ADCY4: variants seen among roughly 807,000 people sequenced by gnomAD.
The protein encoded by ADCY4 is adenylate cyclase 4, also known as adenylate cyclase type 4.
A neutral mutation model predicts 125.5 loss-of-function variants in ADCY4; 111 were observed. That is an observed-to-expected ratio of 0.88 (90% CI 0.76 to 1.04). ADCY4 has a LOEUF of 1.04. Among genes scored for constraint, ADCY4 ranks in the 50% least tolerant of loss-of-function variants. The probability of loss-of-function intolerance (pLI) is 0.00; values close to 1 mark genes in which losing one functional copy is unlikely to be tolerated. For missense variants in ADCY4, 1,256 were observed against 1,382.9 expected (o/e 0.91, Z 1.46); for synonymous variants, 576 against 586.9 (o/e 0.98, Z 0.27).
In ADCY4 at chr14:24,319,907, G is replaced by A. The variant is rs1317818786; in HGVS notation, c.2587-19C>T. The A allele has an allele frequency of 1.4e-5, 23 of 1,611,314 alleles. No homozygotes were observed. Among genetic ancestry groups the A allele is most frequent in the Non-Finnish European group, 1.9e-5 (23 of 1,179,630 alleles). ...AGAGATCCTGGGGGAACAGGAGACT[G>A]GAGTGAGGGGTGTGTGTCATGTTCC... On this transcript the variant is annotated intron_variant, in intron 20 of 24. Transcript: ENST00000418030. This position sits in a 1 kb window ranked among gnomAD's most constrained non-coding sequence, Gnocchi z 4.5.
At chr14:24,330,910 G>A (rs903978040) in intron 6 of ADCY4, 108 bp downstream of exon 6, 1 of 931,800 alleles carries the variant, frequency 1.1e-6, no homozygotes, top group Non-Finnish European at 1.6e-6. Context: ...GGGCCTGCAT[G>A]CACTGAAGTG....
intron 10 of ADCY4, 71 bp from the exon 11 acceptor site, chr14:24,326,413 C>T: frequency 6.4e-7 from 1 of 1,555,790 alleles, no homozygotes; most frequent in Non-Finnish European, 8.9e-7. Context: ...CCATGAGCCA[C>T]ACTGCATGCT....
Position 24,334,752 on chromosome 14 carries a change from A to G in ADCY4, c.-100T>C, listed in dbSNP as rs997218055. On this transcript the variant is annotated 5_prime_UTR_variant, in exon 1 of 25. Transcript: ENST00000418030. ...ACCTGAGCTTTTCTCACCCGCTCAAAGCCGCTACCACCCCGCGCCCCCAAC... is the reference window on the plus strand; with the variant it reads ...ACCTGAGCTTTTCTCACCCGCTCAAGGCCGCTACCACCCCGCGCCCCCAAC... 64 of 948,504 alleles carry G rather than the reference A, an allele frequency of 6.7e-5. No homozygotes were observed. Among genetic ancestry groups the G allele is most frequent in the Middle Eastern group, 6.8e-4 (2 of 2,954 alleles). The allele number at this position is 948,504 out of a possible 1,614,324, so 58.8% of individuals were successfully genotyped here.
chr14:24,324,379 C>T lies in ADCY4; in HGVS notation c.1836G>A (p.Leu612=), dbSNP rs536503239. Reference sequence around the variant, plus strand: ...GGAAGGTGATGCTATACGTGATGGCCAGAGCTGGGGGCCTGAAGGGAGACA... The same window carrying T: ...GGAAGGTGATGCTATACGTGATGGCTAGAGCTGGGGGCCTGAAGGGAGACA... ...QMLVTNRPPA[L]AITYSITFLL... is the part of the protein sequence containing the mutation. Residue 612 remains leucine, a synonymous_variant, in exon 15 of 25, where the codon CTG becomes CTA. Transcript: ENST00000418030. 2 of 1,614,084 alleles carry T rather than the reference C, an allele frequency of 1.2e-6. No individual in the cohort carries two copies. The highest frequency in any genetic ancestry group is 4.5e-5 in the East Asian group (2 of 44,890).
chr14:24,329,365 G>A (rs773219189), intron 9 of ADCY4, 36 bp downstream of exon 9: 2 of 1,546,668 alleles, frequency 1.3e-6, no homozygotes, highest in Admixed American at 3.9e-5. Context: ...GGTGGTTTGT[G>A]TAGGCCAGCC....
rs757720725 is a variant in ADCY4, at chr14:24,332,842, C to A, written c.306G>T (p.Ala102=). Residue 102 remains alanine, a synonymous_variant, in exon 2 of 25, where the codon GCG becomes GCT. Coordinates refer to ENST00000418030, the MANE Select transcript of ADCY4 (RefSeq NM_001198568.2). The part of the protein sequence containing the change: ...LSGLVWVALL[A]LGHAFLFTGG... ...CGGTGAACAGGAAGGCGTGGCCTAG[C>A]GCTAGCAGCGCGACCCATACCAAGC... 2.5e-6 allele frequency: 4 copies of A among 1,592,046 alleles called. No homozygotes were observed. The Admixed American group carries it at 6.9e-5, about 28-fold the overall frequency.
rs200322153 is a variant in ADCY4, at chr14:24,329,467, G to T, written c.1284C>A (p.Gly428=). The T allele has an allele frequency of 1.8e-5, 28 of 1,582,622 alleles. No homozygotes were observed. In the African/African-American group the frequency reaches 3.7e-4, roughly 21 times the overall value. ...GAAGGTAGGGGTCCCGATGCTCCAT[G>T]CCTGCGTCCTCCACAGCATAAGCCC... ...LAGAYAVEDA[G]MEHRDPYLRE... Residue 428 remains glycine (G), a synonymous_variant, in exon 9 of 25, where the codon GGC becomes GGA. Transcript: ENST00000418030.
At position 24,319,616 on chromosome 14, in the gene ADCY4, G is replaced by A; in HGVS notation, c.2733+126C>T. On this transcript the variant is annotated intron_variant, in intron 21 of 24. Transcript: ENST00000418030. The surrounding 1 kb of genome is among the most constrained non-coding windows in gnomAD (Gnocchi z 4.5). ...GAGTGGGTAGATCTGGGGGATCAGA[G>A]GAGGTGAGGGAGTACTGTGGAGGGG... The A allele has an allele frequency of 7.6e-7, 1 of 1,311,856 alleles. No homozygotes were observed. Among genetic ancestry groups the A allele is most frequent in the Admixed American group, 1.9e-5 (1 of 51,722 alleles). 81.3% of individuals were successfully genotyped at this position (1,311,856 alleles called of 1,614,324 possible).
At chr14:24,322,580 C>A (rs2041869285) in intron 19 of ADCY4, 44 bp downstream of exon 19, 1 of 1,589,554 alleles carries the variant, frequency 6.3e-7, no homozygotes, top group Non-Finnish European at 8.6e-7. Context: ...GATATGGGGG[C>A]CACTCATAGG....
intron 3 of ADCY4, 88 bp downstream of exon 3, chr14:24,332,434 G>A: frequency 7.0e-7 from 1 of 1,428,294 alleles, no homozygotes; most frequent in Non-Finnish European, 9.4e-7. Context: ...CCTTGACTTG[G>A]AGTCACAGCT....
At chr14:24,327,608 C>G (rs1014493438) in intron 10 of ADCY4, among the ~76,000 whole-genome samples, 7 of 152,228 alleles carry the variant, frequency 4.6e-5, no homozygotes, top group Admixed American at 2.6e-4. Context: ...CCTTCCCCCA[C>G]TCCCCAGTGT....
rs1214916426 is a variant in ADCY4, at chr14:24,326,290, C to A, written c.1568+9G>T. 2 of 1,613,936 alleles carry A rather than the reference C, an allele frequency of 1.2e-6. No individual in the cohort carries two copies. The highest frequency in any genetic ancestry group is 2.2e-5 in the East Asian group (1 of 44,868). ...AGCCCCACTGGCAAAGACTTTGAGG[C>A]CTCCTCACCGATCCAGGCTCCACTG... On this transcript the variant is annotated intron_variant, in intron 11 of 24. Transcript: ENST00000418030.
In ADCY4 at chr14:24,329,415, C is replaced by T; in HGVS notation, c.1336G>A (p.Val446Ile). 1.3e-6 allele frequency: 2 copies of T among 1,557,506 alleles called. No homozygotes were observed. Among genetic ancestry groups the T allele is most frequent in the Non-Finnish European group, 1.7e-6 (2 of 1,156,566 alleles). The part of the protein sequence containing the change: ...LRELGEPTYL[V>I]IDPRAEEEDE... ...TGGGCTTTTACCCGTGGATCGATGA[C>T]CAGATAGGTAGGCTCCCCTAGCTCC... The change falls in exon 9 of 25, where the codon GTC becomes ATC. Residue 446 changes from valine (V) to isoleucine (I), a missense_variant. By Grantham distance (29) the Val-to-Ile change is conservative. Coordinates refer to ENST00000418030, the MANE Select transcript of ADCY4 (RefSeq NM_001198568.2).
Position 24,318,412 on chromosome 14 carries a change from A to C in ADCY4, c.*4T>G, listed in dbSNP as rs1318449411. ...ATTGAGGTTCTTAGAAGGCGAGTGC[A>C]ATCTCAGCCTAGGGTAGCTGAAGGA... On this transcript the variant is annotated 3_prime_UTR_variant, in exon 25 of 25. Transcript: ENST00000418030. 1 of 1,613,758 alleles carries C rather than the reference A, an allele frequency of 6.2e-7. No homozygotes were observed.
intron 8 of ADCY4, 99 bp downstream of exon 8, chr14:24,329,761 C>T (rs1264553522): frequency 6.6e-7 from 1 of 1,521,244 alleles, no homozygotes; most frequent in Non-Finnish European, 8.9e-7. Context: ...TCTTAAGGTA[C>T]TCATCTTGTG....
At chr14:24,327,919 T>C (rs1207862668) in intron 10 of ADCY4, among the ~76,000 whole-genome samples, 2 of 152,224 alleles carry the variant, frequency 1.3e-5, no homozygotes, top group African/African-American at 4.8e-5. Flanking sequence ...TGATTATATA[T>C]GAGTATCATT....
rs368684170 is a variant in ADCY4 at position 24,325,486 on chromosome 14, A to G, written c.1726-12T>C. The stretch of plus-strand genomic sequence containing the variant: ...GCAGAGAGTCGGTACTGAAAGTGAG[A>G]GGGCCAGAGGTGGAGACAGGGTCCA... On this transcript the variant is annotated splice_polypyrimidine_tract_variant and intron_variant, in intron 13 of 24. Transcript: ENST00000418030. 6.2e-7 allele frequency: 1 copy of G among 1,607,346 alleles called. No individual in the cohort carries two copies. The highest frequency in any genetic ancestry group is 8.5e-7 in the Non-Finnish European group (1 of 1,174,306).
At chr14:24,328,285 C>T (rs551259439) in intron 10 of ADCY4, among the ~76,000 whole-genome samples, 1 of 151,904 alleles carries the variant, frequency 6.6e-6, no homozygotes, top group Non-Finnish European at 1.5e-5. Context: ...TCTGCTCCTC[C>T]ACCTCTTGTG....
At position 24,318,720 on chromosome 14, in the gene ADCY4, G is replaced by A. The variant is rs753753839; in HGVS notation, c.3015C>T (p.Asp1005=). Residue 1005 remains aspartate, a synonymous_variant, in exon 24 of 25, where the codon GAC becomes GAT. Coordinates refer to ENST00000418030, the MANE Select transcript of ADCY4 (RefSeq NM_001198568.2). The stretch of plus-strand genomic sequence containing the variant: ...CCACGTTCACTGTGTTGCCCCAAAT[G>A]TCATATTGCGGCTTCTGGGCCCCAA... The part of the protein sequence containing the change: ...GVIGAQKPQY[D]IWGNTVNVAS... 36 of 1,614,052 alleles carry A rather than the reference G, an allele frequency of 2.2e-5. No homozygotes were observed. Among genetic ancestry groups the A allele is most frequent in the Non-Finnish European group, 2.6e-5 (31 of 1,180,032 alleles).
Sources: gnomAD v4.1 joint callset for allele counts (sites outside exome capture counted in the v4.1 genomes callset) on GRCh38, gnomAD v4.1.1 for gene constraint, Gnocchi (gnomAD v3.1) non-coding constraint, MANE v1.5 for transcripts, NCBI Gene and HGNC (gene_info 2026-07-23, HGNC 2026-07-21) for gene names.